Variants in CTNNA2 observed in about 807,000 individuals in gnomAD.
The protein encoded by CTNNA2 is catenin alpha-2.
A neutral mutation model predicts 101.0 loss-of-function variants in CTNNA2; 42 were observed. That is an observed-to-expected ratio of 0.42 (90% confidence interval 0.32 to 0.54). The LOEUF (loss-of-function observed/expected upper bound fraction) is 0.54, where lower values mean the gene tolerates loss of function less well. CTNNA2 is among the 20% of genes least tolerant of loss of function. CTNNA2 has a pLI of 0.14. For synonymous variants in CTNNA2, 450 were observed against 456.4 expected, an observed-to-expected ratio of 0.99 and a Z score of 0.18; for missense variants, 871 against 1,223.1, an observed-to-expected ratio of 0.71 and a Z score of 4.29.
intron 3 of CTNNA2, among the ~76,000 whole-genome samples, chr2:79,373,638 A>G (rs1677921801): frequency 7.0e-6 from 1 of 143,056 alleles, no homozygotes; most frequent in African/African-American, 2.7e-5. Context: ...GGAGGGAAAC[A>G]TACACAAAAA....
At chr2:79,988,266 A>G (rs1691903884) in intron 7 of CTNNA2, among the ~76,000 whole-genome samples, 2 of 152,224 alleles carry the variant, frequency 1.3e-5, no homozygotes, top group African/African-American at 4.8e-5. Context: ...GTCATAGGGC[A>G]CAGGTAAGAG....
intron 12 of CTNNA2, among the ~76,000 whole-genome samples, chr2:80,559,050 T>G (rs1181602761): frequency 1.3e-5 from 2 of 152,168 alleles, no homozygotes; most frequent in East Asian, 1.9e-4. Flanking sequence ...CTCTTTCTTC[T>G]ACATGCCAAG....
Position 79,455,582 on chromosome 2 carries a change from C to G in CTNNA2, c.-134-49472C>G, listed in dbSNP as rs769453432. 2.0e-5 allele frequency among the ~76,000 whole-genome samples: 3 copies of G among 152,164 alleles called. No homozygotes were observed. In the South Asian group the frequency reaches 6.2e-4, roughly 32 times the overall value. On this transcript the variant is annotated intron_variant, in intron 4 of 21. Coordinates refer to the CTNNA2 transcript ENST00000466387. ...CACTCTCCCTTGTTGTTGTCTATTA[C>G]CTACACGTACCTTTGCAAACATATT...
chr2:80,543,475 C>T (rs562418668), intron 9 of CTNNA2, among the ~76,000 whole-genome samples: 2 of 152,140 alleles, frequency 1.3e-5, no homozygotes, highest in Admixed American at 6.5e-5. Context: ...CATAATTTCT[C>T]CTAGTACATT....
chr2:79,366,929 C>T (rs1455253209), intron 3 of CTNNA2, among the ~76,000 whole-genome samples: 1 of 152,138 alleles, frequency 6.6e-6, no homozygotes, highest in Non-Finnish European at 1.5e-5. Context: ...CTCACTGAGA[C>T]ATTTAAACAG....
intron 2 of CTNNA2, among the ~76,000 whole-genome samples, chr2:79,658,767 G>C (rs1681801086): frequency 6.6e-6 from 1 of 151,902 alleles, no homozygotes; most frequent in Non-Finnish European, 1.5e-5. Context: ...TTAATGAGCT[G>C]TTCTAAAGTA....
At chr2:79,451,200 G>A (rs1670745426) in intron 4 of CTNNA2, among the ~76,000 whole-genome samples, 1 of 152,104 alleles carries the variant, frequency 6.6e-6, no homozygotes, top group Non-Finnish European at 1.5e-5. Context: ...ATGCTATGTT[G>A]TAACTGACTT....
chr2:80,130,712 C>G (rs1558836312), intron 7 of CTNNA2, among the ~76,000 whole-genome samples: 1 of 151,396 alleles, frequency 6.6e-6, no homozygotes, highest in Non-Finnish European at 1.5e-5. Context: ...AAGTAAACAG[C>G]AAATCTGCTT....
At position 79,464,419 on chromosome 2, in the gene CTNNA2, T is replaced by C. The variant is rs547390683; in HGVS notation, c.-134-40635T>C. On this transcript the variant is annotated intron_variant, in intron 4 of 21. Transcript: ENST00000466387. ...TTGGGTTGGTTCCAAGTCTTTGCTA[T>C]TGTGAATAGTGCCACACTAAACATA... 5.9e-5 allele frequency among the ~76,000 whole-genome samples: 9 copies of C among 152,358 alleles called. No homozygotes were observed. In the South Asian group the frequency reaches 1.4e-3, roughly 25 times the overall value.
At chr2:79,795,960 G>A (rs904839232) in intron 3 of CTNNA2, among the ~76,000 whole-genome samples, 1 of 152,148 alleles carries the variant, frequency 6.6e-6, no homozygotes, top group Non-Finnish European at 1.5e-5. Context: ...GAGGACATTG[G>A]TCAGTATGTC....
rs532588426 is a variant in CTNNA2 at position 79,762,795 on chromosome 2, TTAATGA to T, written c.298+18220_298+18225del. Among the ~76,000 whole-genome samples, 127 of 152,340 alleles carry T rather than the reference TTAATGA, an allele frequency of 8.3e-4. 1 individual carries two copies. The highest frequency in any genetic ancestry group is 7.8e-3 in the Admixed American group (120 of 15,308). On this transcript the variant is annotated intron_variant, in intron 3 of 18. Transcript: ENST00000402739. ...TTCTAAAATGTGCAATAGTATGAGC[TTAATGA>T]TAATGACTTTAAATTTAGTTCTGTA...
intron 7 of CTNNA2, among the ~76,000 whole-genome samples, chr2:80,261,445 T>C (rs909964970): frequency 6.6e-6 from 1 of 152,098 alleles, no homozygotes; most frequent in Non-Finnish European, 1.5e-5. Context: ...GCAGTTTGCG[T>C]GCTCTCAAGC....
chr2:80,354,138 T>G (rs1169082081), intron 7 of CTNNA2, among the ~76,000 whole-genome samples: 1 of 152,158 alleles, frequency 6.6e-6, no homozygotes, highest in Non-Finnish European at 1.5e-5. Flanking sequence ...ATGAGTCCCT[T>G]GCACTTCTTC....
At chr2:80,331,670 AC>A (rs1158113327) in intron 7 of CTNNA2, among the ~76,000 whole-genome samples, 1 of 152,130 alleles carries the variant, frequency 6.6e-6, no homozygotes, top group Non-Finnish European at 1.5e-5. Flanking sequence ...AGCAATGATG[AC>A]CAACTACTTT....
intron 7 of CTNNA2, among the ~76,000 whole-genome samples, chr2:79,931,615 C>T (rs1275904756): frequency 6.6e-6 from 1 of 152,146 alleles, no homozygotes; most frequent in Non-Finnish European, 1.5e-5. Context: ...TGCATTTCCT[C>T]AACAATGGCA....
intron 4 of CTNNA2, among the ~76,000 whole-genome samples, chr2:79,468,692 G>A (rs1670965487): frequency 6.6e-6 from 1 of 152,196 alleles, no homozygotes; most frequent in East Asian, 1.9e-4. Context: ...TCAGACCACA[G>A]TGCAATCAAA....
At chr2:79,661,743 G>A (rs13006976) in intron 2 of CTNNA2, among the ~76,000 whole-genome samples, 8,725 of 152,198 alleles carry the variant, frequency 0.057, 313 homozygotes, top group Non-Finnish European at 0.072. Flanking sequence ...AGAAAAAGGG[G>A]AAAGGTGCTA....
intron 1 of CTNNA2, among the ~76,000 whole-genome samples, chr2:79,187,543 G>A (rs758834769): frequency 1.3e-5 from 2 of 151,970 alleles, no homozygotes; most frequent in Non-Finnish European, 2.9e-5. Flanking sequence ...GGTCACACAT[G>A]GAGAAACTTT....
At chr2:79,884,185 A>T (rs59478942) in intron 6 of CTNNA2, among the ~76,000 whole-genome samples, 2 of 152,110 alleles carry the variant, frequency 1.3e-5, no homozygotes, top group South Asian at 4.2e-4. Flanking sequence ...CTTTCTCCCA[A>T]CTTGCCCTGG....
Sources: gnomAD v4.1 joint callset for allele counts (sites outside exome capture counted in the v4.1 genomes callset) on GRCh38, gnomAD v4.1.1 for gene constraint, MANE v1.5 for transcripts, NCBI Gene and HGNC (gene_info 2026-07-23, HGNC 2026-07-21) for gene names.